The following CAND1 variants were observed in gnomAD, a reference collection of about 807,000 sequenced individuals.
The protein encoded by CAND1 is cullin-associated NEDD8-dissociated protein 1.
A neutral mutation model predicts 108.5 loss-of-function variants in CAND1; 7 were observed. That is an observed-to-expected ratio of 0.06 (90% CI 0.04 to 0.12). The LOEUF is 0.12. CAND1 is among the 10% of genes least tolerant of loss of function. The probability of loss-of-function intolerance (pLI) is 1.00; values close to 1 mark genes in which losing one functional copy is unlikely to be tolerated. For synonymous variants in CAND1, 534 were observed against 512.0 expected (o/e 1.04, Z -0.58); for missense variants, 941 against 1,448.7 (o/e 0.65, Z 5.69).
intron 2 of CAND1, among the ~76,000 whole-genome samples, chr12:67,284,642 G>T (rs955420110): frequency 1.7e-5 from 2 of 120,356 alleles, no homozygotes; most frequent in African/African-American, 5.6e-5. Context: ...TTCATCATCT[G>T]TTCCAGGTAA....
chr12:67,294,695 T>C (rs1185521234), intron 3 of CAND1, among the ~76,000 whole-genome samples: 2 of 152,228 alleles, frequency 1.3e-5, no homozygotes, highest in Non-Finnish European at 2.9e-5. Flanking sequence ...TCTGTGTCCT[T>C]TACCCCTTCT....
intron 11 of CAND1, among the ~76,000 whole-genome samples, chr12:67,308,861 A>G (rs1295485225): frequency 6.6e-6 from 1 of 151,838 alleles, no homozygotes; most frequent in Non-Finnish European, 1.5e-5. Context: ...GGATATCAAC[A>G]TTGGGTTTCC....
Position 67,305,578 on chromosome 12 carries a change from G to A in CAND1, c.1910G>A (p.Gly637Glu). 1 of 1,614,076 alleles carries A rather than the reference G, an allele frequency of 6.2e-7. No homozygotes were observed. The highest frequency in any genetic ancestry group is 8.5e-7 in the Non-Finnish European group (1 of 1,179,986). ...TTVKALTLIAGSPLKIDLRPV... is the reference protein window; with the variant it reads ...TTVKALTLIAESPLKIDLRPV... ...GTAAAGGCATTGACACTGATTGCTG[G>A]GTCACCTTTGAAGATAGATTTGAGG... Residue 637 changes from glycine (G) to glutamate (E), a missense_variant, in exon 10 of 15, where the codon GGG becomes GAG. Gly to Glu is a moderately conservative substitution (Grantham distance 98). This residue lies in a region of CAND1 where 697 missense variants were observed against 942.0 expected (regional missense o/e 0.74). Transcript: ENST00000545606. The surrounding 1 kb of genome is among the most constrained non-coding windows in gnomAD (Gnocchi z 4.4).
intron 4 of CAND1, among the ~76,000 whole-genome samples, chr12:67,296,339 G>A (rs1370396013): frequency 6.6e-6 from 1 of 152,018 alleles, no homozygotes; most frequent in Non-Finnish European, 1.5e-5. Flanking sequence ...ATAAGGGAGA[G>A]GGAGAACTCA....
chr12:67,310,075 G>A lies in CAND1; in HGVS notation c.3195+5G>A, dbSNP rs371946362. 12 of 1,610,870 alleles carry A rather than the reference G, an allele frequency of 7.4e-6. No individual in the cohort carries two copies. Among genetic ancestry groups the A allele is most frequent in the Non-Finnish European group, 1.0e-5 (12 of 1,178,374 alleles). ...AGAAAGGAGCTTATAAGAGAGGTAA[G>A]TTAGATCACACTGTTTATTTGAGCT... On this transcript the variant is annotated splice_donor_5th_base_variant and intron_variant, in intron 12 of 14. Coordinates refer to ENST00000545606, the MANE Select transcript of CAND1 (RefSeq NM_018448.5).
At chr12:67,286,077 T>C (rs2044668121) in intron 2 of CAND1, among the ~76,000 whole-genome samples, 1 of 152,120 alleles carries the variant, frequency 6.6e-6, no homozygotes, top group Admixed American at 6.5e-5. Context: ...GCTGGATCTC[T>C]GCTCACTGCA....
rs919557422 is a variant in CAND1, at chr12:67,314,396, T to A, written c.*1566T>A. On this transcript the variant is annotated 3_prime_UTR_variant, in exon 15 of 15. Transcript: ENST00000545606. Reference sequence around the variant, plus strand: ...ATAATGCAGAAGACATCACTTCTAGTAAGGATTTTGACTAGTGCATTGATG... The same window carrying A: ...ATAATGCAGAAGACATCACTTCTAGAAAGGATTTTGACTAGTGCATTGATG... 8 of 152,220 alleles carry A rather than the reference T, an allele frequency of 5.3e-5. No individual in the cohort carries two copies. Among genetic ancestry groups the A allele is most frequent in the Admixed American group, 5.2e-4 (8 of 15,280 alleles). The allele number at this position is 152,220 out of a possible 1,614,324, so 9.4% of individuals were successfully genotyped here. A position where few individuals can be genotyped will look rare whatever the true frequency, so the allele number is the denominator to read the frequency against.
chr12:67,306,226 G>C lies in CAND1; in HGVS notation c.2558G>C (p.Gly853Ala), dbSNP rs753383385. 6.2e-7 allele frequency: 1 copy of C among 1,614,072 alleles called. No individual in the cohort carries two copies. Among genetic ancestry groups the C allele is most frequent in the East Asian group, 2.2e-5 (1 of 44,876 alleles). The change falls in exon 10 of 15, where the codon GGA becomes GCA. Residue 853 changes from glycine (G) to alanine (A), a missense_variant. By Grantham distance (60) the Gly-to-Ala change is moderately conservative. Transcript: ENST00000545606. ...GTTGGGCATCATATTGACTTAAGTG[G>C]ACAGTTGGAACTAAAATCTGTAATA... Reference protein sequence around the residue: ...GEVGHHIDLSGQLELKSVILE... With the variant: ...GEVGHHIDLSAQLELKSVILE...
intron 2 of CAND1, among the ~76,000 whole-genome samples, chr12:67,291,246 G>T (rs1389888127): frequency 6.6e-6 from 1 of 152,208 alleles, no homozygotes; most frequent in Non-Finnish European, 1.5e-5. Flanking sequence ...TATATGCAAG[G>T]TGCTTTGGGA....
At chr12:67,290,013 C>T (rs919297212) in intron 2 of CAND1, among the ~76,000 whole-genome samples, 1 of 151,900 alleles carries the variant, frequency 6.6e-6, no homozygotes, top group African/African-American at 2.4e-5. Flanking sequence ...TATCACATTT[C>T]AAGTCATTGA....
Position 67,299,050 on chromosome 12 carries a change from GATGAAA to G in CAND1, c.959_964del (p.Glu320_Asn321del), listed in dbSNP as rs2044797411. 2 of 1,501,990 alleles carry G rather than the reference GATGAAA, an allele frequency of 1.3e-6. No individual in the cohort carries two copies. The highest frequency in any genetic ancestry group is 1.8e-6 in the Non-Finnish European group (2 of 1,083,450). The allele number at this position is 1,501,990 out of a possible 1,614,324, so 93.0% of individuals were successfully genotyped here. A position where few individuals can be genotyped will look rare whatever the true frequency, so the allele number is the denominator to read the frequency against. On this transcript the variant is annotated inframe_deletion, in exon 7 of 15. Transcript: ENST00000545606. Reference sequence around the variant, plus strand: ...TTATAATTACGATGATGAAGATGAAGATGAAAATGCAATGGATGCTGATGGTGGTGA... The same window carrying G: ...TTATAATTACGATGATGAAGATGAAGATGCAATGGATGCTGATGGTGGTGA...
At position 67,314,923 on chromosome 12, in the gene CAND1, G is replaced by A. The variant is rs1318413317; in HGVS notation, c.*2093G>A. 1.3e-5 allele frequency: 2 copies of A among 152,176 alleles called. No individual in the cohort carries two copies. The highest frequency in any genetic ancestry group is 4.8e-5 in the African/African-American group (2 of 41,432). 9.4% of individuals were successfully genotyped at this position (152,176 alleles called of 1,614,324 possible). A position where few individuals can be genotyped will look rare whatever the true frequency, so the allele number is the denominator to read the frequency against. ...AATTTCAATGCTGTGTCATACTGAT[G>A]ATTAACTCCATACTCCTAGTGGTGA... On this transcript the variant is annotated 3_prime_UTR_variant, in exon 15 of 15. Transcript: ENST00000545606.
At chr12:67,306,649 C>A in intron 10 of CAND1, 52 bp downstream of exon 10, 1 of 1,344,888 alleles carries the variant, frequency 7.4e-7, no homozygotes, top group Non-Finnish European at 1.0e-6. Flanking sequence ...TAGTTGGTTG[C>A]CTTAAAAGAC....
intron 2 of CAND1, among the ~76,000 whole-genome samples, 180 bp from the exon 3 acceptor site, chr12:67,292,442 A>G (rs1479625438): frequency 2.0e-5 from 3 of 152,222 alleles, no homozygotes; most frequent in African/African-American, 7.2e-5. Flanking sequence ...TTGGAAACCA[A>G]CTGCAAAAAT....
rs1459144109 is a variant in CAND1 at position 67,302,654 on chromosome 12, A to G, written c.1293+39A>G. 5 of 1,539,116 alleles carry G rather than the reference A, an allele frequency of 3.2e-6. No individual in the cohort carries two copies. In the Admixed American group the frequency reaches 9.2e-5, roughly 28 times the overall value. ...TAAAGTTTAGAAAATCATGATAGTAAATGCAATGCTTTTAAAATTGTCTTT... is the reference window on the plus strand; with the variant it reads ...TAAAGTTTAGAAAATCATGATAGTAGATGCAATGCTTTTAAAATTGTCTTT... On this transcript the variant is annotated intron_variant, in intron 8 of 14. Transcript: ENST00000545606.
chr12:67,279,174 C>CAAAA, intron 1 of CAND1, among the ~76,000 whole-genome samples: 1 of 140,074 alleles, frequency 7.1e-6, no homozygotes, highest in African/African-American at 2.6e-5. Flanking sequence ...TCCCCACCAC[C>CAAAA]AAAAAAAAAA....
chr12:67,295,178 C>T (rs78741300), intron 4 of CAND1, 22 bp downstream of exon 4: 79,370 of 1,597,782 alleles, frequency 0.05, 2,266 homozygotes, highest in Middle Eastern at 0.071. Context: ...TGTTTATTTC[C>T]GTTACTCGTA....
At position 67,314,820 on chromosome 12, in the gene CAND1, A is replaced by C. The variant is rs746385710; in HGVS notation, c.*1990A>C. 2 of 152,240 alleles carry C rather than the reference A, an allele frequency of 1.3e-5. No individual in the cohort carries two copies. The highest frequency in any genetic ancestry group is 2.9e-5 in the Non-Finnish European group (2 of 68,048). The allele number at this position is 152,240 out of a possible 1,614,324, so 9.4% of individuals were successfully genotyped here. ...TTCTTTTAGTACTAAAGAAATAGAT[A>C]CTGCTCTTTTATGGCTTTAGTGTTT... On this transcript the variant is annotated 3_prime_UTR_variant, in exon 15 of 15. Transcript: ENST00000545606.
In CAND1 at chr12:67,278,027, C is replaced by G. The variant is rs549782107; in HGVS notation, c.69-3883C>G. ...AACCCAGTTGTTTTTCAGTAGCTTC[C>G]CACTCTCTTAGAATAAAGGCTAAAA... is the stretch of plus-strand genomic sequence containing the variant. On this transcript the variant is annotated intron_variant, in intron 1 of 14. Coordinates refer to ENST00000545606, the MANE Select transcript of CAND1 (RefSeq NM_018448.5). Among the ~76,000 whole-genome samples the G allele has an allele frequency of 3.3e-5, 5 of 152,242 alleles. No individual in the cohort carries two copies. In the South Asian group the frequency reaches 1.0e-3, roughly 32 times the overall value.
Sources: allele counts gnomAD v4.1 joint callset (sites outside exome capture counted in the v4.1 genomes callset), GRCh38; gene constraint gnomAD v4.1.1; regional missense constraint gnomAD v4.1.1; non-coding constraint Gnocchi (gnomAD v3.1); transcripts MANE v1.5; gene names NCBI Gene and HGNC (gene_info 2026-07-23, HGNC 2026-07-21).